FAM135B: variants seen among roughly 807,000 people sequenced by gnomAD.
The protein encoded by FAM135B is protein FAM135B.
In FAM135B, 43 loss-of-function variants were observed where a neutral mutation model predicts 127.7. The observed-to-expected ratio is 0.34, with a 90% CI of 0.26 to 0.43. The LOEUF is 0.43. Ranked by LOEUF, FAM135B falls within the 20% of genes least tolerant of loss-of-function variation. FAM135B has a pLI of 1.00. For synonymous variants in FAM135B, 670 were observed against 665.1 expected (o/e 1.01, Z -0.11); for missense variants, 1,558 against 1,725.6 (o/e 0.90, Z 1.72).
At chr8:138,234,423 C>G (rs912082221) in intron 7 of FAM135B, among the ~76,000 whole-genome samples, 5 of 152,154 alleles carry the variant, frequency 3.3e-5, no homozygotes, top group Admixed American at 2.0e-4. Flanking sequence ...CTCCCTTGTT[C>G]ATTGCAGCAT....
chr8:138,212,035 T>C (rs914095176), intron 7 of FAM135B, among the ~76,000 whole-genome samples: 1 of 152,140 alleles, frequency 6.6e-6, no homozygotes, highest in Non-Finnish European at 1.5e-5. Flanking sequence ...GCCACTGCAC[T>C]CCACCCTTGG....
chr8:138,265,189 G>A (rs1822819423), intron 4 of FAM135B, among the ~76,000 whole-genome samples: 1 of 152,144 alleles, frequency 6.6e-6, no homozygotes, highest in African/African-American at 2.4e-5. Context: ...GCTCTTTTGT[G>A]TAAGCCTTGA....
chr8:138,430,234 G>A (rs1425128928), intron 1 of FAM135B, among the ~76,000 whole-genome samples: 1 of 152,072 alleles, frequency 6.6e-6, no homozygotes, highest in Non-Finnish European at 1.5e-5. Context: ...ACTTCCATCT[G>A]TATTGATAAC....
At chr8:138,148,350 T>C (rs1468759543) in intron 14 of FAM135B, among the ~76,000 whole-genome samples, 170 bp downstream of exon 14, 5 of 152,228 alleles carry the variant, frequency 3.3e-5, no homozygotes, top group Non-Finnish European at 5.9e-5. Context: ...AGAGAGATAT[T>C]TTCTTCAACA....
chr8:138,436,068 G>A lies in FAM135B; in HGVS notation c.-20+60603C>T, dbSNP rs78624086. 1.4e-3 allele frequency among the ~76,000 whole-genome samples: 219 copies of A among 152,244 alleles called. 1 individual carries two copies. The highest frequency in any genetic ancestry group is 4.6e-3 in the African/African-American group (192 of 41,524). The stretch of plus-strand genomic sequence containing the variant: ...GGTCTCATGTTATGATAACAGTGTC[G>A]TAAAAGAGGTGGAGAGGTGGAGACC... On this transcript the variant is annotated intron_variant, in intron 1 of 19. Transcript: ENST00000395297.
At chr8:138,172,752 A>G (rs1439405311) in intron 11 of FAM135B, among the ~76,000 whole-genome samples, 1 of 152,208 alleles carries the variant, frequency 6.6e-6, no homozygotes, top group African/African-American at 2.4e-5. Flanking sequence ...GAGTAAATAA[A>G]TACATTAGCA....
chr8:138,333,676 A>C (rs1440049740), intron 2 of FAM135B, among the ~76,000 whole-genome samples: 5 of 152,336 alleles, frequency 3.3e-5, no homozygotes, highest in African/African-American at 1.2e-4. Context: ...ATCCCAGCAC[A>C]GTGCCTAACA....
chr8:138,239,974 G>T (rs917655307), intron 7 of FAM135B, among the ~76,000 whole-genome samples: 4 of 133,720 alleles, frequency 3.0e-5, no homozygotes, highest in African/African-American at 1.1e-4. Context: ...ACAGGAAGGG[G>T]AACATCACAC....
In FAM135B at chr8:138,383,433, G is replaced by C. The variant is rs546233939; in HGVS notation, c.-19-15431C>G. On this transcript the variant is annotated intron_variant, in intron 1 of 19. Transcript: ENST00000395297. ...TCTGGCACAAAGGGAATAGATGCAT[G>C]ATAGCTGATGTAGAGGTTGGTGGGA... 5.3e-5 allele frequency among the ~76,000 whole-genome samples: 8 copies of C among 152,342 alleles called. No homozygotes were observed. In the East Asian group the frequency reaches 1.5e-3, roughly 29 times the overall value.
chr8:138,222,866 CAG>C (rs1265688877), intron 7 of FAM135B, among the ~76,000 whole-genome samples: 2 of 152,064 alleles, frequency 1.3e-5, no homozygotes, highest in African/African-American at 2.4e-5. Flanking sequence ...ACAGACAGTT[CAG>C]AGTCTTTACC....
chr8:138,263,954 C>T (rs879315083), intron 4 of FAM135B, among the ~76,000 whole-genome samples: 3 of 152,120 alleles, frequency 2.0e-5, no homozygotes, highest in Non-Finnish European at 4.4e-5. Flanking sequence ...TGCCATTGCA[C>T]CCTTCTAACA....
chr8:138,406,372 C>G (rs1332669513), intron 1 of FAM135B, among the ~76,000 whole-genome samples: 1 of 151,942 alleles, frequency 6.6e-6, no homozygotes, highest in Non-Finnish European at 1.5e-5. Flanking sequence ...CTATTCCAAT[C>G]AATAGAAAAA....
At chr8:138,306,849 G>T (rs1374428753) in intron 3 of FAM135B, among the ~76,000 whole-genome samples, 1 of 152,142 alleles carries the variant, frequency 6.6e-6, no homozygotes, top group African/African-American at 2.4e-5. Context: ...CTCCCAAAGT[G>T]CTGGGATTAC....
intron 7 of FAM135B, among the ~76,000 whole-genome samples, chr8:138,238,938 G>C (rs952168267): frequency 3.3e-5 from 5 of 152,200 alleles, no homozygotes; most frequent in African/African-American, 1.2e-4. Context: ...CAAGTTCAAA[G>C]CTAAGCACTC....
chr8:138,445,266 C>G (rs1452952557), intron 1 of FAM135B, among the ~76,000 whole-genome samples: 1 of 152,252 alleles, frequency 6.6e-6, no homozygotes, highest in South Asian at 2.1e-4. Context: ...CTATTCCAAT[C>G]AACAGAAAAA....
chr8:138,453,338 A>C (rs1019405805), intron 1 of FAM135B, among the ~76,000 whole-genome samples: 2 of 152,102 alleles, frequency 1.3e-5, no homozygotes, highest in Non-Finnish European at 2.9e-5. Context: ...ATCCCATATA[A>C]AAATACCTAT....
intron 7 of FAM135B, among the ~76,000 whole-genome samples, chr8:138,206,347 C>CACACAAA (rs1817596198): frequency 1.4e-5 from 2 of 142,322 alleles, no homozygotes; most frequent in African/African-American, 5.1e-5. Context: ...CTACCCACAA[C>CACACAAA]TCCAGCATCC....
At chr8:138,237,867 A>G in intron 7 of FAM135B, among the ~76,000 whole-genome samples, 1 of 152,166 alleles carries the variant, frequency 6.6e-6, no homozygotes, top group East Asian at 1.9e-4. Flanking sequence ...TAAAATATAC[A>G]CACACATACA....
At chr8:138,290,788 C>A (rs896858932) in intron 3 of FAM135B, among the ~76,000 whole-genome samples, 2 of 152,040 alleles carry the variant, frequency 1.3e-5, no homozygotes, top group Non-Finnish European at 2.9e-5. Flanking sequence ...GGTGCTAACA[C>A]GGATTTAGGA....
Sources: allele counts gnomAD v4.1 joint callset (sites outside exome capture counted in the v4.1 genomes callset), GRCh38; gene constraint gnomAD v4.1.1; transcripts MANE v1.5; gene names NCBI Gene and HGNC (gene_info 2026-07-23, HGNC 2026-07-21).